Variants in PTPRD observed in about 807,000 individuals in gnomAD.
PTPRD encodes receptor-type tyrosine-protein phosphatase delta.
PTPRD carries 34 observed loss-of-function variants against 214.5 expected under a neutral mutation model. That is an observed-to-expected ratio of 0.16 (90% CI 0.12 to 0.21). The LOEUF (loss-of-function observed/expected upper bound fraction) is 0.21. PTPRD is among the 10% of genes least tolerant of loss of function. The probability of loss-of-function intolerance (pLI) is 1.00; values close to 1 mark genes in which losing one functional copy is unlikely to be tolerated. For synonymous variants in PTPRD, 1,128 were observed against 845.7 expected (o/e 1.33, Z -5.79); for missense variants, 2,545 against 2,398.7 (o/e 1.06, Z -1.27).
At chr9:9,923,388 C>A (rs1212292069) in intron 5 of PTPRD, among the ~76,000 whole-genome samples, 1 of 149,410 alleles carries the variant, frequency 6.7e-6, no homozygotes, top group African/African-American at 2.5e-5. Context: ...TGCAGAAGGT[C>A]CAATGGCTGA....
intron 8 of PTPRD, among the ~76,000 whole-genome samples, chr9:9,510,984 G>T (rs112931961): frequency 7.9e-5 from 12 of 151,802 alleles, no homozygotes; most frequent in Non-Finnish European, 1.0e-4. Flanking sequence ...AGACACTACA[G>T]ATAGCAACAT....
intron 34 of PTPRD, among the ~76,000 whole-genome samples, chr9:8,445,894 T>C (rs917434711): frequency 2.6e-5 from 4 of 152,152 alleles, no homozygotes; most frequent in African/African-American, 9.7e-5. Flanking sequence ...AGCCCTGAAG[T>C]ACCTCTAGCT....
chr9:9,207,540 A>G (rs536690967), intron 9 of PTPRD, among the ~76,000 whole-genome samples: 1 of 152,308 alleles, frequency 6.6e-6, no homozygotes, highest in Non-Finnish European at 1.5e-5. Context: ...GACAACATAC[A>G]ATGCTGGTCG....
intron 9 of PTPRD, among the ~76,000 whole-genome samples, chr9:9,354,841 G>C (rs1032294452): frequency 6.6e-6 from 1 of 151,722 alleles, no homozygotes; most frequent in Non-Finnish European, 1.5e-5. Flanking sequence ...TGTGCATGAA[G>C]ATATCTGGAG....
intron 11 of PTPRD, among the ~76,000 whole-genome samples, chr9:8,930,672 T>G (rs1173656266): frequency 6.6e-6 from 1 of 152,204 alleles, no homozygotes; most frequent in Non-Finnish European, 1.5e-5. Context: ...TGTGAGATGG[T>G]ATCTCATTGC....
rs1188405935 is a variant in PTPRD, at chr9:8,492,855, T to C, written c.2467+7A>G. On this transcript the variant is annotated splice_region_variant and intron_variant, in intron 27 of 45. Transcript: ENST00000381196. ...TTCAAGGCACATACATGCACAGACA[T>C]GATTACCTGCCCCAGTGGTGGACAC... The C allele has an allele frequency of 3.7e-6, 6 of 1,606,550 alleles. No individual in the cohort carries two copies. Among genetic ancestry groups the C allele is most frequent in the African/African-American group, 1.3e-5 (1 of 74,814 alleles).
intron 4 of PTPRD, among the ~76,000 whole-genome samples, chr9:9,946,029 T>C (rs2092492474): frequency 1.8e-5 from 1 of 56,298 alleles, no homozygotes; most frequent in Non-Finnish European, 2.8e-5. Context: ...ATGTTAGAAC[T>C]TGAGGAAGCC....
intron 2 of PTPRD, chr9:10,532,346 G>C (rs986814199): frequency 6.5e-6 from 1 of 153,272 alleles, no homozygotes; most frequent in Admixed American, 6.5e-5. Flanking sequence ...TCATGTAGTA[G>C]TTAAGCAGTA....
intron 5 of PTPRD, among the ~76,000 whole-genome samples, chr9:9,837,557 G>T (rs1228384547): frequency 6.6e-6 from 1 of 152,112 alleles, no homozygotes; most frequent in Non-Finnish European, 1.5e-5. Context: ...TAAGCAACCA[G>T]TCTTTGATTT....
At chr9:8,561,864 G>A (rs2086523637) in intron 14 of PTPRD, among the ~76,000 whole-genome samples, 1 of 150,962 alleles carries the variant, frequency 6.6e-6, no homozygotes, top group Non-Finnish European at 1.5e-5. Context: ...TGATCTAAAT[G>A]TTTCCAGTGC....
Position 9,658,373 on chromosome 9 carries a change from T to A in PTPRD, c.-287+76160A>T, listed in dbSNP as rs947507478. On this transcript the variant is annotated intron_variant, in intron 7 of 45. Coordinates refer to ENST00000381196, the MANE Select transcript of PTPRD (RefSeq NM_002839.4). ...TTCTTTACCCTAAAAGGACTTCACA[T>A]TTAGTACTTATAATGTATTAAAATT... is the stretch of plus-strand genomic sequence containing the variant. Among the ~76,000 whole-genome samples the A allele has an allele frequency of 4.6e-5, 7 of 152,196 alleles. No homozygotes were observed. In the South Asian group the frequency reaches 8.3e-4, roughly 18 times the overall value.
chr9:9,290,605 G>A (rs1950849951), intron 9 of PTPRD, among the ~76,000 whole-genome samples: 1 of 151,396 alleles, frequency 6.6e-6, no homozygotes, highest in South Asian at 2.1e-4. Flanking sequence ...ACATATTTAT[G>A]TGTATCCAGT....
At chr9:9,321,761 A>T (rs558399251) in intron 9 of PTPRD, among the ~76,000 whole-genome samples, 3 of 152,188 alleles carry the variant, frequency 2.0e-5, no homozygotes, top group Non-Finnish European at 4.4e-5. Context: ...CTACATTTGT[A>T]GAATGGGAGT....
rs532944550 is a variant in PTPRD, at chr9:10,559,933, A to G, written c.-600+52465T>C. Among the ~76,000 whole-genome samples the G allele has an allele frequency of 3.3e-5, 5 of 152,232 alleles. No homozygotes were observed. The South Asian group carries it at 1.0e-3, about 32-fold the overall frequency. On this transcript the variant is annotated intron_variant, in intron 2 of 45. Transcript: ENST00000381196. ...AACAGGTGCTGGAGAGGATATGGAG[A>G]AATAGGAACACTTTTACACTGTTGG... is the stretch of plus-strand genomic sequence containing the variant.
At chr9:9,153,346 G>T (rs7854497) in intron 10 of PTPRD, among the ~76,000 whole-genome samples, 1 of 152,044 alleles carries the variant, frequency 6.6e-6, no homozygotes, top group Non-Finnish European at 1.5e-5. Context: ...CATTCTTGGC[G>T]CTGTATACGA....
chr9:10,145,066 T>C (rs1189899344), intron 3 of PTPRD, among the ~76,000 whole-genome samples: 2 of 152,090 alleles, frequency 1.3e-5, no homozygotes, highest in Non-Finnish European at 2.9e-5. Flanking sequence ...TTTTTATATA[T>C]ATTCAGTATC....
chr9:8,931,899 GTA>G (rs2098955450), intron 11 of PTPRD, among the ~76,000 whole-genome samples: 1 of 152,056 alleles, frequency 6.6e-6, no homozygotes, highest in Non-Finnish European at 1.5e-5. Flanking sequence ...TTGAGAGGTT[GTA>G]TGTGTCCCAA....
At chr9:9,894,386 C>G (rs1207229895) in intron 5 of PTPRD, among the ~76,000 whole-genome samples, 1 of 152,128 alleles carries the variant, frequency 6.6e-6, no homozygotes, top group Non-Finnish European at 1.5e-5. Flanking sequence ...TCTACTACCT[C>G]TCTCAAGGCT....
intron 5 of PTPRD, among the ~76,000 whole-genome samples, chr9:9,904,949 G>T (rs2077209420): frequency 6.6e-6 from 1 of 151,942 alleles, no homozygotes; most frequent in Admixed American, 6.6e-5. Flanking sequence ...GTTCATTAAA[G>T]AACAACATGC....
Sources: gnomAD v4.1 joint callset for allele counts (sites outside exome capture counted in the v4.1 genomes callset) on GRCh38, gnomAD v4.1.1 for gene constraint, MANE v1.5 for transcripts, NCBI Gene and HGNC (gene_info 2026-07-23, HGNC 2026-07-21) for gene names.